CCDC170: variants seen among roughly 807,000 people sequenced by gnomAD.
CCDC170 encodes coiled-coil domain-containing protein 170.
Under a neutral mutation model 72.6 loss-of-function variants are expected in CCDC170, and 69 were observed. The observed-to-expected ratio is 0.95, with a 90% confidence interval of 0.78 to 1.16. CCDC170 has a LOEUF of 1.16. Among genes scored for constraint, CCDC170 ranks in the 50% most tolerant of loss-of-function variants. The pLI, the probability that CCDC170 is intolerant of heterozygous loss-of-function variation, is 0.00. For synonymous variants in CCDC170, 300 were observed against 303.9 expected, an observed-to-expected ratio of 0.99 and a Z score of 0.13; for missense variants, 852 against 832.5, an observed-to-expected ratio of 1.02 and a Z score of -0.29.
chr6:151,620,770 A>C lies in CCDC170; in HGVS notation c.*2623A>C, dbSNP rs1324697252. On this transcript the variant is annotated 3_prime_UTR_variant, in exon 11 of 11. Coordinates refer to ENST00000239374, the MANE Select transcript of CCDC170 (RefSeq NM_025059.4). Reference sequence around the variant, plus strand: ...GGGAAATTTATTTTCTACGCTATTCAAAGATATTTTAAATAATATTTTAAA... The same window carrying C: ...GGGAAATTTATTTTCTACGCTATTCCAAGATATTTTAAATAATATTTTAAA... 2 of 151,682 alleles carry C rather than the reference A, an allele frequency of 1.3e-5. No individual in the cohort carries two copies. The highest frequency in any genetic ancestry group is 2.9e-5 in the Non-Finnish European group (2 of 68,026). The allele number at this position is 151,682 out of a possible 1,614,324, so 9.4% of individuals were successfully genotyped here. A position where few individuals can be genotyped will look rare whatever the true frequency, so the allele number is the denominator to read the frequency against.
At chr6:151,552,568 T>A (rs747769465) in intron 5 of CCDC170, among the ~76,000 whole-genome samples, 19 of 152,134 alleles carry the variant, frequency 1.2e-4, no homozygotes, top group Non-Finnish European at 2.6e-4. Context: ...GGGTTTTTAT[T>A]TATTTACTGT....
chr6:151,500,333 A>T (rs930641413), intron 1 of CCDC170, among the ~76,000 whole-genome samples: 1 of 151,198 alleles, frequency 6.6e-6, no homozygotes, highest in Non-Finnish European at 1.5e-5. Context: ...TATAAAGAAA[A>T]CCAATCTCCA....
At chr6:151,558,015 G>A (rs774790062) in intron 5 of CCDC170, among the ~76,000 whole-genome samples, 3 of 32,000 alleles carry the variant, frequency 9.4e-5, no homozygotes, top group African/African-American at 5.1e-4. Context: ...CAGGAGAATC[G>A]CTTGAGCTTG....
chr6:151,597,643 C>G (rs778062654), intron 9 of CCDC170, among the ~76,000 whole-genome samples: 1 of 152,170 alleles, frequency 6.6e-6, no homozygotes, highest in Non-Finnish European at 1.5e-5. Flanking sequence ...TGGAGAAGGT[C>G]ACCAGAACTG....
intron 6 of CCDC170, among the ~76,000 whole-genome samples, chr6:151,575,067 A>G (rs997702039): frequency 1.3e-5 from 2 of 152,198 alleles, no homozygotes; most frequent in African/African-American, 4.8e-5. Context: ...CTTTCTCTAT[A>G]AAGCTTTACC....
chr6:151,564,143 A>G (rs1488193493), intron 5 of CCDC170, among the ~76,000 whole-genome samples: 2 of 151,872 alleles, frequency 1.3e-5, no homozygotes, highest in Non-Finnish European at 2.9e-5. Context: ...TTCTTCCAAT[A>G]TTTTGGATTT....
At chr6:151,604,188 C>T (rs963812513) in intron 9 of CCDC170, among the ~76,000 whole-genome samples, 4 of 152,186 alleles carry the variant, frequency 2.6e-5, no homozygotes, top group Non-Finnish European at 4.4e-5. Flanking sequence ...ATCTCCCACA[C>T]AAGACAGCCT....
In CCDC170 at chr6:151,585,894, C is replaced by G; in HGVS notation, c.1098C>G (p.Val366=). Residue 366 remains valine, a synonymous_variant, in exon 7 of 11, where the codon GTC becomes GTG. Transcript: ENST00000239374. The part of the protein sequence containing the change: ...DSREESRDRM[V]SQLEAQISEL... ...ATCTGTTTCTTTGTTTCCAGATGGT[C>G]TCCCAGCTTGAAGCCCAAATATCTG... The G allele has an allele frequency of 6.2e-7, 1 of 1,613,148 alleles. No individual in the cohort carries two copies. Among genetic ancestry groups the G allele is most frequent in the Non-Finnish European group, 8.5e-7 (1 of 1,179,538 alleles).
chr6:151,522,553 G>A (rs1000985530), intron 1 of CCDC170, among the ~76,000 whole-genome samples: 1 of 152,112 alleles, frequency 6.6e-6, no homozygotes, highest in Non-Finnish European at 1.5e-5. Flanking sequence ...ATTAGCCAAT[G>A]GGAATTAGTT....
intron 5 of CCDC170, among the ~76,000 whole-genome samples, chr6:151,567,339 C>T (rs1174975004): frequency 6.6e-6 from 1 of 152,056 alleles, no homozygotes; most frequent in Non-Finnish European, 1.5e-5. Context: ...TTTGTAGGTA[C>T]CTTGTATTCA....
chr6:151,511,942 G>A (rs1371306925), intron 1 of CCDC170, among the ~76,000 whole-genome samples: 1 of 151,986 alleles, frequency 6.6e-6, no homozygotes, highest in Non-Finnish European at 1.5e-5. Flanking sequence ...CGATTTCCTG[G>A]GCTTGAGCCA....
At chr6:151,585,815 G>A in intron 6 of CCDC170, 74 bp from the exon 7 acceptor site, 1 of 1,385,176 alleles carries the variant, frequency 7.2e-7, no homozygotes, top group Non-Finnish European at 1.0e-6. Context: ...ATGCTGCTTA[G>A]GCAGAGCAGT....
At chr6:151,517,061 C>A (rs1056322007) in intron 1 of CCDC170, among the ~76,000 whole-genome samples, 4 of 152,312 alleles carry the variant, frequency 2.6e-5, no homozygotes, top group African/African-American at 9.6e-5. Context: ...TGGGGCCGGG[C>A]ACAGTGGCTC....
At chr6:151,564,085 T>A (rs1002724582) in intron 5 of CCDC170, among the ~76,000 whole-genome samples, 1 of 152,144 alleles carries the variant, frequency 6.6e-6, no homozygotes, top group Non-Finnish European at 1.5e-5. Context: ...CTTTTGCACG[T>A]TTCTTGTGTC....
intron 5 of CCDC170, among the ~76,000 whole-genome samples, chr6:151,552,026 GT>G (rs34498397): frequency 0.96 from 124,065 of 129,676 alleles, 59,401 homozygotes; most frequent in South Asian, 0.99. Context: ...TTAGTGTCAG[GT>G]TTTTTTTTTT....
At position 151,573,268 on chromosome 6, in the gene CCDC170, C is replaced by T; in HGVS notation, c.869C>T (p.Ala290Val). 1 of 1,614,126 alleles carries T rather than the reference C, an allele frequency of 6.2e-7. No individual in the cohort carries two copies. The highest frequency in any genetic ancestry group is 1.3e-5 in the African/African-American group (1 of 75,022). ...RLLAGQQVWD[A>V]SKQEVSLLKK... is the part of the protein sequence containing the mutation. ...CTTGCTGGCCAGCAGGTCTGGGATG[C>T]CTCAAAGCAGGAAGTGAGCCTCCTG... Residue 290 changes from alanine to valine, a missense_variant, in exon 6 of 11, where the codon GCC becomes GTC. By Grantham distance (64) the Ala-to-Val change is moderately conservative (BLOSUM62 0). Coordinates refer to ENST00000239374, the MANE Select transcript of CCDC170 (RefSeq NM_025059.4).
At chr6:151,575,525 C>CTTTTTTTTTTTTTTTTTTT (rs869185539) in intron 6 of CCDC170, among the ~76,000 whole-genome samples, 8 of 79,664 alleles carry the variant, frequency 1.0e-4, no homozygotes, top group Admixed American at 2.2e-4. Flanking sequence ...TCTTTTCTTT[C>CTTTTTTTTTTTTTTTTTTT]TTTTTTTTTT....
At chr6:151,506,023 C>T (rs1782062032) in intron 1 of CCDC170, among the ~76,000 whole-genome samples, 1 of 152,142 alleles carries the variant, frequency 6.6e-6, no homozygotes. Flanking sequence ...GTACCTTGAG[C>T]ACAGGAGTTC....
chr6:151,612,923 G>A lies in CCDC170; in HGVS notation c.1711-2520G>A, dbSNP rs528789903. On this transcript the variant is annotated intron_variant, in intron 9 of 10. Coordinates refer to ENST00000239374, the MANE Select transcript of CCDC170 (RefSeq NM_025059.4). ...CAGTTTACCTCAATTGTCAGGAAGC[G>A]CAAGACTAAATTCAGAGCTGTACTG... Among the ~76,000 whole-genome samples, 25 of 149,120 alleles carry A rather than the reference G, an allele frequency of 1.7e-4. No homozygotes were observed. The South Asian group carries it at 3.0e-3, about 18-fold the overall frequency.
Sources: gnomAD v4.1 joint callset for allele counts (sites outside exome capture counted in the v4.1 genomes callset) on GRCh38, gnomAD v4.1.1 for gene constraint, MANE v1.5 for transcripts, NCBI Gene and HGNC (gene_info 2026-07-23, HGNC 2026-07-21) for gene names.